TMEM232: variants seen among roughly 807,000 people sequenced by gnomAD.
TMEM232 encodes transmembrane protein 232.
TMEM232 carries 80 observed loss-of-function variants against 78.8 expected under a neutral mutation model. That is an observed-to-expected ratio of 1.01 (90% CI 0.85 to 1.22). TMEM232 has a LOEUF of 1.22. Ranked by LOEUF, TMEM232 falls within the 50% of genes most tolerant of loss-of-function variation. The probability of loss-of-function intolerance (pLI) is 0.00; values close to 1 mark genes in which losing one functional copy is unlikely to be tolerated. For synonymous variants in TMEM232, 297 were observed against 254.3 expected (o/e 1.17, Z -1.60); for missense variants, 881 against 742.2 (o/e 1.19, Z -2.17).
intron 12 of TMEM232, among the ~76,000 whole-genome samples, chr5:110,522,051 T>C (rs1200187757): frequency 1.3e-5 from 2 of 152,198 alleles, no homozygotes; most frequent in Non-Finnish European, 2.9e-5. Flanking sequence ...CAAGATTCTT[T>C]CAACACATGA....
upstream of TMEM232, among the ~76,000 whole-genome samples, chr5:110,727,327 G>T (rs777077556): frequency 1.3e-5 from 2 of 151,974 alleles, no homozygotes; most frequent in Admixed American, 1.3e-4. Context: ...AAATTCATAC[G>T]TAGGCCGGGC....
intron 12 of TMEM232, among the ~76,000 whole-genome samples, chr5:110,521,659 C>A (rs1389222845): frequency 6.6e-6 from 1 of 152,122 alleles, no homozygotes; most frequent in African/African-American, 2.4e-5. Flanking sequence ...CAATTTCATT[C>A]TTACACATGT....
intron 10 of TMEM232, among the ~76,000 whole-genome samples, chr5:110,589,798 T>C (rs1005172738): frequency 2.0e-5 from 3 of 152,134 alleles, no homozygotes; most frequent in African/African-American, 7.2e-5. Flanking sequence ...TAATATCCTT[T>C]ATGACCCATA....
chr5:110,561,515 C>G (rs7732148), intron 11 of TMEM232, among the ~76,000 whole-genome samples: 10,721 of 151,962 alleles, frequency 0.071, 478 homozygotes, highest in Admixed American at 0.12. Flanking sequence ...TCATAAGTGT[C>G]TTTTTAAACA....
At chr5:110,553,591 C>T (rs1413621137) in intron 11 of TMEM232, among the ~76,000 whole-genome samples, 1 of 152,128 alleles carries the variant, frequency 6.6e-6, no homozygotes, top group African/African-American at 2.4e-5. Flanking sequence ...TGAAACTTTG[C>T]TGAAGTACTT....
intron 2 of TMEM232, among the ~76,000 whole-genome samples, chr5:110,645,456 C>T (rs1296747438): frequency 1.9e-5 from 2 of 105,742 alleles, no homozygotes; most frequent in African/African-American, 3.2e-5. Flanking sequence ...ACCATATTAC[C>T]AAAAAAAAAA....
intron 2 of TMEM232, chr5:110,666,518 TTG>T (rs1561481319): frequency 6.6e-6 from 1 of 152,152 alleles, no homozygotes; most frequent in Non-Finnish European, 1.5e-5. Context: ...TAGTCATGGT[TTG>T]TATATTTAGG....
At chr5:110,464,206 G>A (rs934607165) in intron 12 of TMEM232, among the ~76,000 whole-genome samples, 1 of 152,116 alleles carries the variant, frequency 6.6e-6, no homozygotes, top group East Asian at 1.9e-4. Flanking sequence ...CCTATAAGAG[G>A]TGTCTGTTCT....
rs556023672 is a variant in TMEM232 at position 110,388,982 on chromosome 5, C to G, written n.616-929G>C. Among the ~76,000 whole-genome samples, 7 of 152,124 alleles carry G rather than the reference C, an allele frequency of 4.6e-5. No individual in the cohort carries two copies. The South Asian group carries it at 1.5e-3, about 32-fold the overall frequency. ...GAGATGAAAGAAGTTGTCTTGGGGC[C>G]GGGTGCAGTGGCTCATGCCTGTAAT... On this transcript the variant is annotated intron_variant and non_coding_transcript_variant, in intron 4 of 8. Coordinates refer to the TMEM232 transcript ENST00000507188.
intron 10 of TMEM232, among the ~76,000 whole-genome samples, chr5:110,604,874 C>T (rs1781351461): frequency 6.6e-6 from 1 of 152,084 alleles, no homozygotes; most frequent in African/African-American, 2.4e-5. Context: ...AGGAGAAAGG[C>T]TTGAAGCAGA....
At chr5:110,447,467 G>A (rs897132541) in intron 12 of TMEM232, among the ~76,000 whole-genome samples, 5 of 152,024 alleles carry the variant, frequency 3.3e-5, no homozygotes, top group African/African-American at 4.8e-5. Flanking sequence ...CTTATCTGTT[G>A]ACAAATGCCA....
intron 12 of TMEM232, among the ~76,000 whole-genome samples, chr5:110,431,922 T>C (rs1166172993): frequency 6.6e-6 from 1 of 151,716 alleles, no homozygotes; most frequent in East Asian, 1.9e-4. Flanking sequence ...TTGTATAATA[T>C]AAAAAGAGAA....
At chr5:110,561,951 CCTATTAT>C in intron 11 of TMEM232, among the ~76,000 whole-genome samples, 1 of 152,044 alleles carries the variant, frequency 6.6e-6, no homozygotes, top group East Asian at 1.9e-4. Context: ...TTTGCCATTG[CCTATTAT>C]CTAAATCAAG....
At chr5:110,598,925 T>C (rs1248473335) in intron 10 of TMEM232, among the ~76,000 whole-genome samples, 1 of 149,926 alleles carries the variant, frequency 6.7e-6, no homozygotes, top group African/African-American at 2.4e-5. Flanking sequence ...GACGAGTTAA[T>C]GGGTGCAGCA....
chr5:110,679,479 T>C (rs1792442498), intron 1 of TMEM232, among the ~76,000 whole-genome samples: 1 of 152,176 alleles, frequency 6.6e-6, no homozygotes, highest in Non-Finnish European at 1.5e-5. Flanking sequence ...GTGCCTGCCT[T>C]CTCATTTTAT....
chr5:110,610,526 C>A (rs1482062233), intron 8 of TMEM232: 1 of 455,798 alleles, frequency 2.2e-6, no homozygotes, highest in East Asian at 7.0e-5. Context: ...AGACCAGCAG[C>A]CATAGTATTT....
chr5:110,550,542 A>C (rs1272328448), intron 11 of TMEM232, among the ~76,000 whole-genome samples: 1 of 152,076 alleles, frequency 6.6e-6, no homozygotes, highest in East Asian at 1.9e-4. Flanking sequence ...GTAAAAAATT[A>C]ACACACAAAA....
At chr5:110,418,388 A>G (rs773754457), downstream of TMEM232, among the ~76,000 whole-genome samples, 1 of 152,150 alleles carries the variant, frequency 6.6e-6, no homozygotes, top group Non-Finnish European at 1.5e-5. Flanking sequence ...TTCCAGATCT[A>G]CACCCCACAG....
chr5:110,432,192 CAA>C (rs1191091679), intron 12 of TMEM232, among the ~76,000 whole-genome samples: 3 of 151,310 alleles, frequency 2.0e-5, no homozygotes, highest in Non-Finnish European at 4.4e-5. Context: ...ACAGATTATC[CAA>C]AGTCAATAAG....
Sources: allele counts gnomAD v4.1 joint callset (sites outside exome capture counted in the v4.1 genomes callset), GRCh38; gene constraint gnomAD v4.1.1; transcripts MANE v1.5; gene names NCBI Gene and HGNC (gene_info 2026-07-23, HGNC 2026-07-21).